CADPS2: variants seen among roughly 807,000 people sequenced by gnomAD.
CADPS2 encodes the protein calcium dependent secretion activator 2, also known as calcium-dependent secretion activator 2.
A neutral mutation model predicts 172.5 loss-of-function variants in CADPS2; 93 were observed. The observed-to-expected ratio is 0.54, with a 90% CI of 0.46 to 0.64. The LOEUF is 0.64. CADPS2 is among the 30% of genes least tolerant of loss of function. The pLI is 0.00. For synonymous variants in CADPS2, 546 were observed against 555.2 expected (o/e 0.98, Z 0.23); for missense variants, 1,420 against 1,565.9 (o/e 0.91, Z 1.57).
At chr7:122,595,490 C>T (rs1039734133) in intron 6 of CADPS2, among the ~76,000 whole-genome samples, 5 of 152,010 alleles carry the variant, frequency 3.3e-5, no homozygotes, top group African/African-American at 4.8e-5. Flanking sequence ...AATGTCAGTA[C>T]ATACTATTCT....
In CADPS2 at chr7:122,327,239, C is replaced by A. The variant is rs558327508; in HGVS notation, c.3613-1658G>T. On this transcript the variant is annotated intron_variant, in intron 28 of 29. Transcript: ENST00000449022. ...ACACTAAATTCTATGCTACTTATTT[C>A]AAATAATTTACAGCTTCAACTTCTT... Among the ~76,000 whole-genome samples, 7 of 152,154 alleles carry A rather than the reference C, an allele frequency of 4.6e-5. No individual in the cohort carries two copies. The East Asian group carries it at 1.4e-3, about 29-fold the overall frequency.
chr7:122,698,520 T>C (rs763299678), intron 2 of CADPS2: 1 of 1,613,974 alleles, frequency 6.2e-7, no homozygotes, highest in African/African-American at 1.3e-5. Flanking sequence ...TGCCAGTACC[T>C]GGAACGTTAT....
At chr7:122,873,613 T>C (rs1360038484) in intron 1 of CADPS2, among the ~76,000 whole-genome samples, 2 of 152,218 alleles carry the variant, frequency 1.3e-5, no homozygotes, top group Non-Finnish European at 2.9e-5. Context: ...CTATTGTAAA[T>C]AGTGCTACAG....
At chr7:122,477,874 C>G (rs1204305897) in intron 12 of CADPS2, among the ~76,000 whole-genome samples, 1 of 152,098 alleles carries the variant, frequency 6.6e-6, no homozygotes, top group African/African-American at 2.4e-5. Flanking sequence ...CATTAGATCT[C>G]TAGACTTGTT....
At position 122,595,885 on chromosome 7, in the gene CADPS2, G is replaced by A. The variant is rs546618822; in HGVS notation, c.1224-14595C>T. On this transcript the variant is annotated intron_variant, in intron 6 of 29. Coordinates refer to ENST00000449022, the MANE Select transcript of CADPS2 (RefSeq NM_017954.11). ...CAAAAACACCAGGCATTCAACAAAA[G>A]CATGATGCATAGAGCAGAGGCAAGT... Among the ~76,000 whole-genome samples, 6 of 152,116 alleles carry A rather than the reference G, an allele frequency of 3.9e-5. No individual in the cohort carries two copies. In the South Asian group the frequency reaches 1.2e-3, roughly 32 times the overall value.
At chr7:122,508,758 A>G (rs2059808779) in intron 9 of CADPS2, among the ~76,000 whole-genome samples, 1 of 152,170 alleles carries the variant, frequency 6.6e-6, no homozygotes, top group East Asian at 1.9e-4. Context: ...TGTGTTTCAC[A>G]TAATGATGAA....
At chr7:122,497,187 T>C (rs2058803916) in intron 9 of CADPS2, among the ~76,000 whole-genome samples, 1 of 152,050 alleles carries the variant, frequency 6.6e-6, no homozygotes, top group East Asian at 1.9e-4. Context: ...TAAAAAAAAA[T>C]CTCTTCAGTC....
At chr7:122,475,994 T>C (rs1361020624) in intron 12 of CADPS2, among the ~76,000 whole-genome samples, 2 of 152,162 alleles carry the variant, frequency 1.3e-5, no homozygotes, top group Admixed American at 6.5e-5. Flanking sequence ...TGCATTTTAT[T>C]CTTCTGAGTC....
At chr7:122,575,485 G>C (rs1308442787) in intron 7 of CADPS2, among the ~76,000 whole-genome samples, 1 of 150,244 alleles carries the variant, frequency 6.7e-6, no homozygotes, top group East Asian at 2.0e-4. Context: ...CACCCAGGCT[G>C]AAGCACAGTG....
chr7:122,633,726 C>T (rs1000684430), intron 3 of CADPS2, among the ~76,000 whole-genome samples: 3 of 152,098 alleles, frequency 2.0e-5, no homozygotes, highest in South Asian at 2.1e-4. Context: ...GCTTCTAGTA[C>T]TACGTTGAAC....
At chr7:122,711,509 T>C (rs1437679603) in intron 2 of CADPS2, among the ~76,000 whole-genome samples, 1 of 152,084 alleles carries the variant, frequency 6.6e-6, no homozygotes, top group Non-Finnish European at 1.5e-5. Flanking sequence ...AATTTCTAAT[T>C]GCAACCAACT....
intron 28 of CADPS2, among the ~76,000 whole-genome samples, chr7:122,342,140 G>T (rs1383391205): frequency 1.3e-5 from 2 of 152,058 alleles, no homozygotes; most frequent in African/African-American, 4.8e-5. Flanking sequence ...AGGTAATGCA[G>T]ATTTTATTTA....
chr7:122,639,239 G>A (rs564359703), intron 3 of CADPS2, among the ~76,000 whole-genome samples: 2 of 152,196 alleles, frequency 1.3e-5, no homozygotes, highest in South Asian at 4.1e-4. Context: ...TTAGTTTAAT[G>A]TTGCATGTTT....
rs537782185 is a variant in CADPS2 at position 122,640,802 on chromosome 7, C to T, written c.787-11474G>A. 4.6e-5 allele frequency among the ~76,000 whole-genome samples: 7 copies of T among 151,964 alleles called. No homozygotes were observed. The South Asian group carries it at 8.3e-4, about 18-fold the overall frequency. Reference sequence around the variant, plus strand: ...ACAAAAAATTAGCCGGACTTGGCGGCGGGCGCCTGTAGTCCCAGCTACTCT... The same window carrying T: ...ACAAAAAATTAGCCGGACTTGGCGGTGGGCGCCTGTAGTCCCAGCTACTCT... On this transcript the variant is annotated intron_variant, in intron 3 of 29. Transcript: ENST00000449022.
intron 20 of CADPS2, among the ~76,000 whole-genome samples, chr7:122,396,542 C>T (rs901299063): frequency 1.3e-5 from 2 of 152,154 alleles, no homozygotes; most frequent in Non-Finnish European, 2.9e-5. Flanking sequence ...CTTGAAAAGC[C>T]TGAGCATGGT....
At chr7:122,675,451 A>G (rs745721254) in intron 2 of CADPS2, among the ~76,000 whole-genome samples, 1 of 152,250 alleles carries the variant, frequency 6.6e-6, no homozygotes, top group Admixed American at 6.5e-5. Flanking sequence ...TGGAAAAGTC[A>G]TCCACCAAGG....
At chr7:122,853,217 C>G (rs549983825) in intron 1 of CADPS2, among the ~76,000 whole-genome samples, 10 of 152,256 alleles carry the variant, frequency 6.6e-5, no homozygotes, top group Admixed American at 5.9e-4. Context: ...AGCAGGAGAT[C>G]AGATAAACGA....
chr7:122,342,300 A>G (rs1187145486), intron 28 of CADPS2, among the ~76,000 whole-genome samples: 1 of 152,178 alleles, frequency 6.6e-6, no homozygotes, highest in East Asian at 1.9e-4. Context: ...TCTCATTCCA[A>G]AAACAATGGG....
At chr7:122,360,748 AAT>A in intron 27 of CADPS2, 38 bp downstream of exon 27, 1 of 1,521,768 alleles carries the variant, frequency 6.6e-7, no homozygotes, top group Non-Finnish European at 8.8e-7. Flanking sequence ...TTTTTTAAAG[AAT>A]TCCATACAGT....
Sources: allele counts gnomAD v4.1 joint callset (sites outside exome capture counted in the v4.1 genomes callset), GRCh38; gene constraint gnomAD v4.1.1; transcripts MANE v1.5; gene names NCBI Gene and HGNC (gene_info 2026-07-23, HGNC 2026-07-21).